The following PHACTR2 variants were observed in gnomAD, a reference collection of about 807,000 sequenced individuals.
PHACTR2 encodes chromosome 6 open reading frame 56.
In PHACTR2, 30 loss-of-function variants were observed where a neutral mutation model predicts 76.0. That is an observed-to-expected ratio of 0.39 (90% CI 0.30 to 0.54). PHACTR2 has a LOEUF of 0.54. PHACTR2 is among the 20% of genes least tolerant of loss of function. PHACTR2 has a pLI of 0.61. For missense variants in PHACTR2, 696 were observed against 781.1 expected (o/e 0.89, Z 1.30); for synonymous variants, 292 against 292.5 (o/e 1.00, Z 0.02).
chr6:143,612,231 C>T (rs911454464), intron 1 of PHACTR2, among the ~76,000 whole-genome samples: 1 of 152,082 alleles, frequency 6.6e-6, no homozygotes, highest in Admixed American at 6.6e-5. Context: ...GGAAATAAGA[C>T]CAGGCAAAGA....
At chr6:143,706,667 AT>A (rs1267973445) in intron 1 of PHACTR2, among the ~76,000 whole-genome samples, 2 of 152,124 alleles carry the variant, frequency 1.3e-5, no homozygotes, top group Non-Finnish European at 2.9e-5. Context: ...TCTTCTGTTC[AT>A]TTTCTCTTCT....
At position 143,782,361 on chromosome 6, in the gene PHACTR2, C is replaced by T. The variant is rs1422460597; in HGVS notation, c.1646-858C>T. Among the ~76,000 whole-genome samples, 1 of 152,174 alleles carries T rather than the reference C, an allele frequency of 6.6e-6. No individual in the cohort carries two copies. Among genetic ancestry groups the T allele is most frequent in the Middle Eastern group, 3.2e-3 (1 of 316 alleles). ...TAGCACTTTCTAAAACATAATCTTT[C>T]ATAAGCATCGGTATCCAAGAAGCAA... is the stretch of plus-strand genomic sequence containing the variant. On this transcript the variant is annotated intron_variant, in intron 9 of 12. Transcript: ENST00000440869. This position sits in a 1 kb window ranked among gnomAD's most constrained non-coding sequence, Gnocchi z 4.6.
intron 1 of PHACTR2, among the ~76,000 whole-genome samples, chr6:143,565,407 A>G (rs1265796466): frequency 6.6e-6 from 1 of 152,166 alleles, no homozygotes; most frequent in Non-Finnish European, 1.5e-5. Context: ...TCACGAGGTC[A>G]GGAGATCGAG....
intron 1 of PHACTR2, among the ~76,000 whole-genome samples, chr6:143,637,319 A>G (rs1183292089): frequency 6.6e-6 from 1 of 151,396 alleles, no homozygotes; most frequent in African/African-American, 2.4e-5. Context: ...TGTTGTTTGA[A>G]AAAAAAAAGA....
intron 1 of PHACTR2, among the ~76,000 whole-genome samples, chr6:143,629,243 A>G (rs1031462616): frequency 1.3e-5 from 2 of 152,054 alleles, no homozygotes; most frequent in African/African-American, 4.8e-5. Context: ...GGAGGGGGAA[A>G]GAGATAGACA....
intron 2 of PHACTR2, among the ~76,000 whole-genome samples, chr6:143,734,254 G>A (rs1274436860): frequency 6.6e-6 from 1 of 152,334 alleles, no homozygotes; most frequent in East Asian, 1.9e-4. Context: ...GAATAGCCCA[G>A]CTGCACAATA....
chr6:143,775,002 A>C lies in PHACTR2; in HGVS notation c.1589+787A>C, dbSNP rs1775239581. Among the ~76,000 whole-genome samples the C allele has an allele frequency of 6.6e-6, 1 of 152,230 alleles. No homozygotes were observed. Among genetic ancestry groups the C allele is most frequent in the African/African-American group, 2.4e-5 (1 of 41,458 alleles). ...CTGACTTGTCTTACTCTGCATACAC[A>C]ACAGGGTGCATAACTGGGAGAAAGG... On this transcript the variant is annotated intron_variant, in intron 8 of 12. Transcript: ENST00000440869. The surrounding 1 kb of genome is among the most constrained non-coding windows in gnomAD (Gnocchi z 4.4).
Position 143,580,408 on chromosome 6 carries a change from C to G in PHACTR2, c.217+43201C>G, listed in dbSNP as rs1478962871. Reference sequence around the variant, plus strand: ...GCTGAGGCAGGAGAATGGCGTGAACCCAGGAGGCGGGGCTTGCAGTGAGCC... The same window carrying G: ...GCTGAGGCAGGAGAATGGCGTGAACGCAGGAGGCGGGGCTTGCAGTGAGCC... On this transcript the variant is annotated intron_variant, in intron 1 of 11. Coordinates refer to the PHACTR2 transcript ENST00000367584. The surrounding 1 kb of genome is among the most constrained non-coding windows in gnomAD (Gnocchi z 4.2). 6.6e-6 allele frequency among the ~76,000 whole-genome samples: 1 copy of G among 152,246 alleles called. No individual in the cohort carries two copies. Among genetic ancestry groups the G allele is most frequent in the African/African-American group, 2.4e-5 (1 of 41,464 alleles).
chr6:143,704,095 CTGTGTG>C (rs759683885), intron 1 of PHACTR2, among the ~76,000 whole-genome samples: 2 of 144,128 alleles, frequency 1.4e-5, no homozygotes, highest in South Asian at 2.2e-4. Context: ...GTGTGTGTGT[CTGTGTG>C]TGTGTGTGTG....
chr6:143,817,925 A>C (rs974017559), intron 12 of PHACTR2, among the ~76,000 whole-genome samples: 13 of 152,324 alleles, frequency 8.5e-5, no homozygotes, highest in Admixed American at 7.2e-4. Flanking sequence ...CTAGTGTTCT[A>C]TAGCACTGTA....
At position 143,774,474 on chromosome 6, in the gene PHACTR2, G is replaced by T. The variant is rs1022000896; in HGVS notation, c.1589+259G>T. ...AAAGACCAGTTGGCAAACATTTCAG[G>T]CTTTGCTGGCCAGACAGTCTCTGTT... is the stretch of plus-strand genomic sequence containing the variant. On this transcript the variant is annotated intron_variant, in intron 8 of 12. Coordinates refer to ENST00000440869, the MANE Select transcript of PHACTR2 (RefSeq NM_001100164.2). This position sits in a 1 kb window ranked among gnomAD's most constrained non-coding sequence, Gnocchi z 5.4. Among the ~76,000 whole-genome samples, 1 of 152,150 alleles carries T rather than the reference G, an allele frequency of 6.6e-6. No individual in the cohort carries two copies. Among genetic ancestry groups the T allele is most frequent in the Non-Finnish European group, 1.5e-5 (1 of 68,016 alleles).
At position 143,710,232 on chromosome 6, in the gene PHACTR2, A is replaced by T. The variant is rs1376894148; in HGVS notation, c.47-1784A>T. Among the ~76,000 whole-genome samples the T allele has an allele frequency of 6.6e-6, 1 of 152,014 alleles. No homozygotes were observed. The highest frequency in any genetic ancestry group is 1.5e-5 in the Non-Finnish European group (1 of 68,022). On this transcript the variant is annotated intron_variant, in intron 1 of 12. Transcript: ENST00000440869. This position sits in a 1 kb window ranked among gnomAD's most constrained non-coding sequence, Gnocchi z 4.9. ...TTACTTCTTCAGCTACGAGTCTGGG[A>T]TATTTGAGGCAAAAAGAAAACCCAG...
Position 143,678,141 on chromosome 6 carries a change from G to T in PHACTR2, c.-23G>T, listed in dbSNP as rs1268045480. On this transcript the variant is annotated 5_prime_UTR_variant, in exon 1 of 13. Coordinates refer to ENST00000440869, the MANE Select transcript of PHACTR2 (RefSeq NM_001100164.2). The surrounding 1 kb of genome is among the most constrained non-coding windows in gnomAD (Gnocchi z 6.2). ...GACCAAAGGAGCCGCTTGATCGCTG[G>T]ACCTGGCCCTGCGACCCCAGTCATG... The T allele has an allele frequency of 1.3e-6, 2 of 1,545,682 alleles. No homozygotes were observed. The highest frequency in any genetic ancestry group is 1.7e-6 in the Non-Finnish European group (2 of 1,144,844).
In PHACTR2 at chr6:143,639,928, G is replaced by A. The variant is rs1776534054; in HGVS notation, c.13+31606G>A. Among the ~76,000 whole-genome samples, 1 of 152,162 alleles carries A rather than the reference G, an allele frequency of 6.6e-6. No individual in the cohort carries two copies. The highest frequency in any genetic ancestry group is 2.1e-4 in the South Asian group (1 of 4,824). ...GGTTCCTAGCCTCCAGAAGCTGGAG[G>A]AAGCAAGGAATAACAACTTGTTATT... On this transcript the variant is annotated intron_variant, in intron 1 of 11. Transcript: ENST00000305766. The surrounding 1 kb of genome is among the most constrained non-coding windows in gnomAD (Gnocchi z 5.0).
At chr6:143,690,097 C>T (rs2128455874) in intron 1 of PHACTR2, among the ~76,000 whole-genome samples, 1 of 152,350 alleles carries the variant, frequency 6.6e-6, no homozygotes, top group Non-Finnish European at 1.5e-5. Flanking sequence ...ATTTCTTTTT[C>T]TCTCCTGCAT....
At chr6:143,745,476 T>C (rs1779038896) in intron 2 of PHACTR2, among the ~76,000 whole-genome samples, 1 of 152,234 alleles carries the variant, frequency 6.6e-6, no homozygotes, top group South Asian at 2.1e-4. Flanking sequence ...CTCAGGAATA[T>C]TCTGAGACAG....
At chr6:143,600,377 T>C (rs142308739) in intron 1 of PHACTR2, among the ~76,000 whole-genome samples, 70 of 152,362 alleles carry the variant, frequency 4.6e-4, no homozygotes, top group Non-Finnish European at 8.5e-4. Context: ...TTTTTGCCAA[T>C]AGTCAGCACC....
rs1472885968 is a variant in PHACTR2, at chr6:143,672,651, C to T, written c.14-39365C>T. Among the ~76,000 whole-genome samples the T allele has an allele frequency of 1.3e-5, 2 of 152,116 alleles. No homozygotes were observed. The highest frequency in any genetic ancestry group is 2.9e-5 in the Non-Finnish European group (2 of 68,024). On this transcript the variant is annotated intron_variant, in intron 1 of 11. Coordinates refer to the PHACTR2 transcript ENST00000305766. The surrounding 1 kb of genome is among the most constrained non-coding windows in gnomAD (Gnocchi z 5.8). The stretch of plus-strand genomic sequence containing the variant: ...TTTAGTAATTTGCTAAAGTTCAGAG[C>T]CTTCTCTGTACTAACCTACTGGGCA...
chr6:143,775,655 T>C lies in PHACTR2; in HGVS notation c.1589+1440T>C, dbSNP rs569670001. 3.3e-5 allele frequency among the ~76,000 whole-genome samples: 5 copies of C among 152,348 alleles called. No individual in the cohort carries two copies. Among genetic ancestry groups the C allele is most frequent in the South Asian group, 2.1e-4 (1 of 4,832 alleles). Reference sequence around the variant, plus strand: ...TTTCTACTCTATGTAAGAGAGTATATGCTTCTAGGTTTTCTGATTGTTTTA... The same window carrying C: ...TTTCTACTCTATGTAAGAGAGTATACGCTTCTAGGTTTTCTGATTGTTTTA... On this transcript the variant is annotated intron_variant, in intron 8 of 12. Coordinates refer to ENST00000440869, the MANE Select transcript of PHACTR2 (RefSeq NM_001100164.2). The surrounding 1 kb of genome is among the most constrained non-coding windows in gnomAD (Gnocchi z 4.4).
Sources: allele counts gnomAD v4.1 joint callset (sites outside exome capture counted in the v4.1 genomes callset), GRCh38; gene constraint gnomAD v4.1.1; non-coding constraint Gnocchi (gnomAD v3.1); transcripts MANE v1.5; gene names NCBI Gene and HGNC (gene_info 2026-07-23, HGNC 2026-07-21).